The following FER variants were observed in gnomAD, a reference collection of about 807,000 sequenced individuals.
FER encodes tyrosine-protein kinase Fer.
A neutral mutation model predicts 111.0 loss-of-function variants in FER; 63 were observed. The ratio of observed to expected loss-of-function variants is 0.57; its 90% CI spans 0.46 to 0.70. FER has a LOEUF of 0.70. Ranked by LOEUF, FER falls within the 30% of genes least tolerant of loss-of-function variation. FER has a pLI of 0.00. For missense variants in FER, 914 were observed against 954.0 expected (o/e 0.96, Z 0.55); for synonymous variants, 327 against 313.9 (o/e 1.04, Z -0.44).
chr5:108,978,039 G>T (rs980042821), intron 13 of FER, among the ~76,000 whole-genome samples: 1 of 152,124 alleles, frequency 6.6e-6, no homozygotes, highest in Non-Finnish European at 1.5e-5. Context: ...TAGAGATGGG[G>T]TTTCACCGCA....
At chr5:108,795,054 TGCCTGTACTTTGGAAG>T (rs1162620923) in intron 2 of FER, among the ~76,000 whole-genome samples, 2 of 152,366 alleles carry the variant, frequency 1.3e-5, no homozygotes, top group African/African-American at 4.8e-5. Context: ...TGGTGGCTCA[TGCCTGTACTTTGGAAG>T]GCCAGTACTT....
At chr5:108,862,337 T>G (rs1004633270) in intron 5 of FER, among the ~76,000 whole-genome samples, 1 of 152,138 alleles carries the variant, frequency 6.6e-6, no homozygotes, top group African/African-American at 2.4e-5. Context: ...GAGCATAAAA[T>G]CTTACTGAGT....
chr5:108,828,185 A>G (rs1759672517), intron 3 of FER, among the ~76,000 whole-genome samples: 1 of 152,170 alleles, frequency 6.6e-6, no homozygotes, highest in Admixed American at 6.5e-5. Context: ...TGTATTTTGT[A>G]CTTATTTTCA....
At chr5:108,793,514 C>CG (rs1561427847) in intron 2 of FER, among the ~76,000 whole-genome samples, 2 of 87,564 alleles carry the variant, frequency 2.3e-5, no homozygotes, top group Non-Finnish European at 4.8e-5. Flanking sequence ...TTTTTTTTGG[C>CG]GGGGCGGGGG....
At chr5:109,013,369 G>C (rs1301332888) in intron 13 of FER, among the ~76,000 whole-genome samples, 2 of 151,542 alleles carry the variant, frequency 1.3e-5, no homozygotes, top group African/African-American at 4.8e-5. Flanking sequence ...TGAGAATGAT[G>C]ATTTCCAATT....
intron 3 of FER, among the ~76,000 whole-genome samples, chr5:108,805,129 G>A (rs770495667): frequency 6.6e-6 from 1 of 152,058 alleles, no homozygotes; most frequent in African/African-American, 2.4e-5. Flanking sequence ...TGTTGTGGGA[G>A]GTGACTGAAT....
chr5:109,060,787 T>TATATATATATATACAC (rs571418220), intron 16 of FER, among the ~76,000 whole-genome samples: 2 of 149,706 alleles, frequency 1.3e-5, no homozygotes, highest in African/African-American at 4.9e-5. Context: ...TATATATATA[T>TATATATATATATACAC]ACACACCAAA....
intron 13 of FER, among the ~76,000 whole-genome samples, chr5:109,004,520 A>G (rs1765245596): frequency 6.6e-6 from 1 of 152,244 alleles, no homozygotes. Context: ...ATGAAAGGAT[A>G]TTATGCAGCC....
intron 17 of FER, among the ~76,000 whole-genome samples, chr5:109,168,125 G>A (rs1283577617): frequency 2.0e-5 from 3 of 152,040 alleles, no homozygotes; most frequent in East Asian, 1.9e-4. Context: ...ATGATGGACT[G>A]GACAAATTAC....
intron 17 of FER, among the ~76,000 whole-genome samples, chr5:109,154,697 G>A (rs1253682111): frequency 6.6e-6 from 1 of 151,852 alleles, no homozygotes; most frequent in Non-Finnish European, 1.5e-5. Flanking sequence ...CACTTTTCCT[G>A]TTGTGGCTGT....
At chr5:109,090,602 CAATG>C (rs1026403512) in intron 16 of FER, among the ~76,000 whole-genome samples, 7 of 151,866 alleles carry the variant, frequency 4.6e-5, no homozygotes, top group Non-Finnish European at 7.4e-5. Context: ...ATCAGGAAAA[CAATG>C]AATGAACAAA....
intron 3 of FER, among the ~76,000 whole-genome samples, chr5:108,815,211 G>T (rs1336556273): frequency 1.3e-5 from 2 of 152,056 alleles, no homozygotes; most frequent in African/African-American, 4.8e-5. Context: ...TGTAACATGG[G>T]TGTCTTCACG....
intron 13 of FER, among the ~76,000 whole-genome samples, chr5:109,015,254 C>G (rs751830378): frequency 6.6e-6 from 1 of 152,000 alleles, no homozygotes; most frequent in African/African-American, 2.4e-5. Context: ...TTTTGCTGTT[C>G]AGCACTTTTT....
intron 8 of FER, among the ~76,000 whole-genome samples, chr5:108,881,298 G>A (rs1765649847): frequency 6.6e-6 from 1 of 152,160 alleles, no homozygotes; most frequent in African/African-American, 2.4e-5. Flanking sequence ...AATCATGGTA[G>A]AAGGCAAGGA....
At chr5:109,049,563 C>G (rs1772459092) in intron 16 of FER, among the ~76,000 whole-genome samples, 1 of 152,058 alleles carries the variant, frequency 6.6e-6, no homozygotes, top group African/African-American at 2.4e-5. Flanking sequence ...AAAGAATACT[C>G]TCTACTTTTT....
chr5:109,045,920 C>T (rs1771906530), intron 15 of FER, among the ~76,000 whole-genome samples: 1 of 152,164 alleles, frequency 6.6e-6, no homozygotes, highest in Admixed American at 6.6e-5. Flanking sequence ...TTGTTCTAAC[C>T]AATTTCAGCC....
In FER at chr5:108,860,395, A is replaced by G. The variant is rs916827124; in HGVS notation, c.482-7372A>G. Among the ~76,000 whole-genome samples the G allele has an allele frequency of 7.2e-5, 11 of 152,362 alleles. No individual in the cohort carries two copies. In the East Asian group the frequency reaches 2.1e-3, roughly 29 times the overall value. Reference sequence around the variant, plus strand: ...TCTACATTACAACCCAGTGAATTAGAAAGGGCAGATAATTTAATTCCTATG... The same window carrying G: ...TCTACATTACAACCCAGTGAATTAGGAAGGGCAGATAATTTAATTCCTATG... On this transcript the variant is annotated intron_variant, in intron 5 of 19. Transcript: ENST00000281092.
chr5:108,822,450 G>A (rs1251036250), intron 3 of FER, among the ~76,000 whole-genome samples: 1 of 152,210 alleles, frequency 6.6e-6, no homozygotes, highest in African/African-American at 2.4e-5. Flanking sequence ...GAGAACTATT[G>A]TGCTGTGTCA....
At chr5:108,819,928 A>G (rs1254926460) in intron 3 of FER, 2 of 985,276 alleles carry the variant, frequency 2.0e-6, no homozygotes, top group African/African-American at 3.5e-5. Flanking sequence ...GGAGGAGGAA[A>G]GAGAGGACTT....
Sources: allele counts gnomAD v4.1 joint callset (sites outside exome capture counted in the v4.1 genomes callset), GRCh38; gene constraint gnomAD v4.1.1; transcripts MANE v1.5; gene names NCBI Gene and HGNC (gene_info 2026-07-23, HGNC 2026-07-21).